Variants in COL13A1 observed in about 807,000 individuals in gnomAD.
The protein encoded by COL13A1 is collagen type XIII alpha 1 chain.
In COL13A1, 89 loss-of-function variants were observed where a neutral mutation model predicts 130.9. That is an observed-to-expected ratio of 0.68 (90% CI 0.57 to 0.81). The LOEUF (loss-of-function observed/expected upper bound fraction) is 0.81. COL13A1 is among the 30% of genes least tolerant of loss of function. COL13A1 has a pLI of 0.00. For synonymous variants in COL13A1, 402 were observed against 341.6 expected (o/e 1.18, Z -1.95); for missense variants, 879 against 934.6 (o/e 0.94, Z 0.78).
At chr10:69,833,264 C>T (rs972686529) in intron 2 of COL13A1, among the ~76,000 whole-genome samples, 1 of 152,244 alleles carries the variant, frequency 6.6e-6, no homozygotes, top group Non-Finnish European at 1.5e-5. Flanking sequence ...TGAAGAAGGA[C>T]TGCCCTTCTG....
At chr10:69,929,520 C>T (rs1279718980) in intron 28 of COL13A1, among the ~76,000 whole-genome samples, 1 of 152,162 alleles carries the variant, frequency 6.6e-6, no homozygotes, top group Non-Finnish European at 1.5e-5. Flanking sequence ...TGAAGCCTCC[C>T]TGATCTATCA....
At chr10:69,808,860 A>G (rs1842266641) in intron 1 of COL13A1, among the ~76,000 whole-genome samples, 1 of 152,244 alleles carries the variant, frequency 6.6e-6, no homozygotes, top group Non-Finnish European at 1.5e-5. Flanking sequence ...ACCCAGCAAT[A>G]GGCTCAGCAT....
intron 7 of COL13A1, among the ~76,000 whole-genome samples, chr10:69,886,370 A>G (rs1277871696): frequency 1.3e-5 from 2 of 152,234 alleles, no homozygotes; most frequent in South Asian, 2.1e-4. Flanking sequence ...TGAGGGTCAC[A>G]CAGTCATAGT....
chr10:69,811,508 C>T (rs1159133577), intron 1 of COL13A1, among the ~76,000 whole-genome samples: 3 of 152,200 alleles, frequency 2.0e-5, no homozygotes, highest in African/African-American at 7.2e-5. Flanking sequence ...TAGCTTCATC[C>T]ACCTCCCCCT....
At chr10:69,927,036 A>G in intron 26 of COL13A1, 51 bp from the exon 27 acceptor site, 1 of 1,613,076 alleles carries the variant, frequency 6.2e-7, no homozygotes, top group Non-Finnish European at 8.5e-7. Context: ...AGAACCTTCC[A>G]CTTGGCTCTT....
At chr10:69,920,340 C>T (rs1368171744) in intron 21 of COL13A1, among the ~76,000 whole-genome samples, 1 of 152,216 alleles carries the variant, frequency 6.6e-6, no homozygotes, top group Non-Finnish European at 1.5e-5. Flanking sequence ...CCATGGGTAG[C>T]AAAGCTTCTT....
chr10:69,919,083 A>G lies in COL13A1; in HGVS notation c.1021A>G (p.Thr341Ala), dbSNP rs772104276. Reference sequence around the variant, plus strand: ...ACAGGGTGAGCCAGGGATCCCAGGAACCAAGGTACTGATGCAGAGAGAATG... The same window carrying G: ...ACAGGGTGAGCCAGGGATCCCAGGAGCCAAGGTACTGATGCAGAGAGAATG... ...GMKGEPGIPG[T>A]KGDPGAEGKP... Residue 341 changes from threonine (T) to alanine (A), a missense_variant, in exon 20 of 41, where the codon ACC becomes GCC. Thr to Ala is a moderately conservative substitution (Grantham distance 58). Transcript: ENST00000645393. 3 of 1,614,046 alleles carry G rather than the reference A, an allele frequency of 1.9e-6. No homozygotes were observed.
chr10:69,866,727 A>G (rs918582714), intron 2 of COL13A1, among the ~76,000 whole-genome samples: 35 of 152,182 alleles, frequency 2.3e-4, no homozygotes, highest in African/African-American at 8.0e-4. Flanking sequence ...AGAGGCCAGC[A>G]TGAAAGAGGC....
At chr10:69,947,023 C>G (rs974330556) in intron 37 of COL13A1, among the ~76,000 whole-genome samples, 1 of 152,150 alleles carries the variant, frequency 6.6e-6, no homozygotes, top group Non-Finnish European at 1.5e-5. Context: ...CTCTGGACCT[C>G]GTGATCCGCC....
chr10:69,839,165 C>T, intron 2 of COL13A1, among the ~76,000 whole-genome samples: 1 of 152,010 alleles, frequency 6.6e-6, no homozygotes, highest in African/African-American at 2.4e-5. Context: ...AGAGGTGACC[C>T]ATTCATTCAT....
intron 18 of COL13A1, among the ~76,000 whole-genome samples, chr10:69,917,733 C>G: frequency 6.6e-6 from 1 of 150,730 alleles, no homozygotes; most frequent in East Asian, 2.0e-4. Context: ...GATATGAAAA[C>G]AGGGTTCACT....
At chr10:69,836,290 C>G (rs74358706) in intron 2 of COL13A1, among the ~76,000 whole-genome samples, 2 of 152,124 alleles carry the variant, frequency 1.3e-5, no homozygotes, top group Admixed American at 6.5e-5. Flanking sequence ...GTCCCAGGGC[C>G]GCATCCTCCA....
chr10:69,859,465 G>A (rs113024716), intron 2 of COL13A1, among the ~76,000 whole-genome samples: 1,764 of 152,260 alleles, frequency 0.012, 36 homozygotes, highest in African/African-American at 0.04. Flanking sequence ...CTGCTCCTCC[G>A]GCAGTCGCCG....
In COL13A1 at chr10:69,932,498, G is replaced by A; in HGVS notation, c.1684-62G>A. On this transcript the variant is annotated intron_variant, in intron 30 of 40. Transcript: ENST00000645393. The stretch of plus-strand genomic sequence containing the variant: ...AGTCTAGTTTGTCACAGATGTGAGG[G>A]TGCGTCTGTCCCAGGCTTTCACAAG... The A allele has an allele frequency of 1.2e-5, 14 of 1,178,784 alleles. No individual in the cohort carries two copies. The Middle Eastern group carries it at 6.1e-4, about 52-fold the overall frequency. 73.0% of individuals were successfully genotyped at this position (1,178,784 alleles called of 1,614,324 possible). A position where few individuals can be genotyped will look rare whatever the true frequency, so the allele number is the denominator to read the frequency against.
At chr10:69,931,969 G>A (rs974199068) in intron 30 of COL13A1, among the ~76,000 whole-genome samples, 7 of 152,080 alleles carry the variant, frequency 4.6e-5, no homozygotes, top group Admixed American at 3.3e-4. Context: ...TACTGGTATT[G>A]GCAGAATCCA....
In COL13A1 at chr10:69,877,513, G is replaced by C. The variant is rs149185715; in HGVS notation, c.436-526G>C. The C allele has an allele frequency of 2.2e-4, 35 of 160,762 alleles. No individual in the cohort carries two copies. The East Asian group carries it at 5.2e-3, about 24-fold the overall frequency. The allele number at this position is 160,762 out of a possible 1,614,324, so 10.0% of individuals were successfully genotyped here. A position where few individuals can be genotyped will look rare whatever the true frequency, so the allele number is the denominator to read the frequency against. ...TCCTAGACACCAGCATCACAACACA[G>C]TCCTGGGGCAATTCCCCCGATCCCC... On this transcript the variant is annotated intron_variant, in intron 5 of 40. Transcript: ENST00000645393.
chr10:69,848,268 G>A (rs1853698201), intron 2 of COL13A1, among the ~76,000 whole-genome samples: 1 of 152,208 alleles, frequency 6.6e-6, no homozygotes, highest in African/African-American at 2.4e-5. Context: ...CTACCGGCCT[G>A]AGCTGAATTA....
At chr10:69,831,547 A>G (rs968963729) in intron 2 of COL13A1, among the ~76,000 whole-genome samples, 7 of 152,182 alleles carry the variant, frequency 4.6e-5, no homozygotes, top group African/African-American at 1.7e-4. Flanking sequence ...CAAGCTTCTG[A>G]GCATCAGTCC....
At chr10:69,813,556 G>A (rs1365431345) in intron 1 of COL13A1, among the ~76,000 whole-genome samples, 1 of 152,174 alleles carries the variant, frequency 6.6e-6, no homozygotes, top group Non-Finnish European at 1.5e-5. Context: ...CTGGGAGTCT[G>A]TGATCAGGTG....
Sources: allele counts gnomAD v4.1 joint callset (sites outside exome capture counted in the v4.1 genomes callset), GRCh38; gene constraint gnomAD v4.1.1; transcripts MANE v1.5; gene names NCBI Gene and HGNC (gene_info 2026-07-23, HGNC 2026-07-21).